The following SV2C variants were observed in gnomAD, a reference collection of about 807,000 sequenced individuals.
SV2C encodes solute carrier family 22 member B3.
Under a neutral mutation model 79.7 loss-of-function variants are expected in SV2C, and 49 were observed. The ratio of observed to expected loss-of-function variants is 0.61; its 90% CI spans 0.49 to 0.78. The LOEUF is 0.78. Ranked by LOEUF, SV2C falls within the 30% of genes least tolerant of loss-of-function variation. The pLI, the probability that SV2C is intolerant of heterozygous loss-of-function variation, is 0.00. For synonymous variants in SV2C, 334 were observed against 333.2 expected (o/e 1.00, Z -0.03); for missense variants, 833 against 912.9 (o/e 0.91, Z 1.13).
the SV2C span, among the ~76,000 whole-genome samples, chr5:75,869,379 T>C: frequency 6.6e-6 from 1 of 152,128 alleles, no homozygotes; most frequent in Non-Finnish European, 1.5e-5. Flanking sequence ...GTATTCCCGG[T>C]GGGCCTGTGG....
the SV2C span, among the ~76,000 whole-genome samples, chr5:75,921,903 C>T: frequency 6.6e-6 from 1 of 151,476 alleles, no homozygotes; most frequent in East Asian, 1.9e-4. Context: ...ATTCAAGAAA[C>T]AATCATCTAA....
chr5:76,240,943 C>T (rs953902371), intron 4 of SV2C, among the ~76,000 whole-genome samples: 4 of 152,134 alleles, frequency 2.6e-5, no homozygotes, highest in African/African-American at 9.7e-5. Flanking sequence ...AATACAAACT[C>T]CCAGATCCCA....
At chr5:76,170,796 T>C in intron 2 of SV2C, 1 of 227,782 alleles carries the variant, frequency 4.4e-6, no homozygotes, top group Non-Finnish European at 8.4e-6. Flanking sequence ...CGCCGCGGGC[T>C]GGGGTCGGTG....
At position 76,164,944 on chromosome 5, in the gene SV2C, A is replaced by G. The variant is rs573570393; in HGVS notation, c.581-29975A>G. ...TAGATTACCTATAATATCTAATAAA[A>G]TGTATATGCTATGTAAATAGTTGTT... On this transcript the variant is annotated intron_variant, in intron 2 of 12. Coordinates refer to ENST00000502798, the MANE Select transcript of SV2C (RefSeq NM_014979.4). Among the ~76,000 whole-genome samples, 102 of 152,268 alleles carry G rather than the reference A, an allele frequency of 6.7e-4. No individual in the cohort carries two copies. The South Asian group carries it at 0.021, about 31-fold the overall frequency.
chr5:75,857,297 A>T, the SV2C span, among the ~76,000 whole-genome samples: 1 of 151,940 alleles, frequency 6.6e-6, no homozygotes, highest in Non-Finnish European at 1.5e-5. Flanking sequence ...AAGGTGAGAG[A>T]TAGGGGCCTA....
chr5:75,950,679 T>C, the SV2C span, among the ~76,000 whole-genome samples: 1 of 152,014 alleles, frequency 6.6e-6, no homozygotes, highest in Non-Finnish European at 1.5e-5. Context: ...GCCAGAAGTC[T>C]TTCAGAGTCA....
chr5:76,162,083 A>T (rs1034435668), intron 2 of SV2C, among the ~76,000 whole-genome samples: 3 of 152,196 alleles, frequency 2.0e-5, no homozygotes, highest in Admixed American at 2.0e-4. Context: ...TAGAAGAAAA[A>T]AAAAAGCTAT....
chr5:76,146,092 C>T (rs1749410906), intron 2 of SV2C, among the ~76,000 whole-genome samples: 1 of 152,162 alleles, frequency 6.6e-6, no homozygotes, highest in Non-Finnish European at 1.5e-5. Flanking sequence ...TGCTTCCTGA[C>T]AAGGACTGAG....
intron 4 of SV2C, among the ~76,000 whole-genome samples, chr5:76,215,974 C>T (rs1476510440): frequency 2.0e-5 from 3 of 150,778 alleles, no homozygotes; most frequent in African/African-American, 7.3e-5. Flanking sequence ...TGGCCCCTGA[C>T]AAGCCTCTGA....
intron 4 of SV2C, among the ~76,000 whole-genome samples, chr5:76,277,920 G>A (rs1366380678): frequency 6.6e-6 from 1 of 152,210 alleles, no homozygotes. Flanking sequence ...GGAATGTTTT[G>A]AGGTAATGAA....
intron 3 of SV2C, among the ~76,000 whole-genome samples, chr5:76,195,707 T>C (rs190931549): frequency 1.3e-4 from 20 of 152,276 alleles, no homozygotes; most frequent in African/African-American, 4.6e-4. Flanking sequence ...AATGAATCCA[T>C]AAGCATAGAA....
chr5:76,278,917 C>T (rs950231256), intron 4 of SV2C, among the ~76,000 whole-genome samples: 1 of 152,182 alleles, frequency 6.6e-6, no homozygotes, highest in Non-Finnish European at 1.5e-5. Context: ...GGAGACCAAA[C>T]AGGAGGCTGT....
At chr5:76,134,360 A>T (rs756856604) in intron 2 of SV2C, among the ~76,000 whole-genome samples, 1 of 152,184 alleles carries the variant, frequency 6.6e-6, no homozygotes, top group African/African-American at 2.4e-5. Flanking sequence ...TCATAATTGC[A>T]TTCTAACAGA....
intron 4 of SV2C, among the ~76,000 whole-genome samples, chr5:76,254,036 T>G (rs1746190941): frequency 6.6e-6 from 1 of 152,038 alleles, no homozygotes; most frequent in African/African-American, 2.4e-5. Flanking sequence ...ATCCAAGCAC[T>G]TTCAGAGGCC....
chr5:75,894,946 C>T, the SV2C span, among the ~76,000 whole-genome samples: 13,956 of 151,940 alleles, frequency 0.092, 2,106 homozygotes, highest in African/African-American at 0.31. Flanking sequence ...AACTGACTGA[C>T]GGAGTGTTGA....
At chr5:76,008,490 C>T in the SV2C span, among the ~76,000 whole-genome samples, 1 of 152,256 alleles carries the variant, frequency 6.6e-6, no homozygotes, top group African/African-American at 2.4e-5. Context: ...ATTCAAAACT[C>T]TAGTCTTAAA....
the SV2C span, among the ~76,000 whole-genome samples, chr5:76,034,481 G>A: frequency 5.6e-4 from 86 of 152,256 alleles, no homozygotes; most frequent in African/African-American, 1.9e-3. Context: ...TTTGTCAAAG[G>A]CCTTTTCTGC....
the SV2C span, among the ~76,000 whole-genome samples, chr5:75,864,310 CTCCATCCATCCATCCATCCATCCA>C: frequency 6.7e-6 from 1 of 149,592 alleles, no homozygotes; most frequent in Non-Finnish European, 1.5e-5. Context: ...TCCAGTGCCA[CTCCATCCATCCATCCATCCATCCA>C]TCCATCCATC....
intron 1 of SV2C, among the ~76,000 whole-genome samples, chr5:76,112,741 T>C (rs571151189): frequency 1.3e-5 from 2 of 152,340 alleles, no homozygotes; most frequent in South Asian, 4.1e-4. Flanking sequence ...CCATAAACCT[T>C]CTTTTTTAGG....
Sources: allele counts gnomAD v4.1 joint callset (sites outside exome capture counted in the v4.1 genomes callset), GRCh38; gene constraint gnomAD v4.1.1; transcripts MANE v1.5; gene names NCBI Gene and HGNC (gene_info 2026-07-23, HGNC 2026-07-21).